The following JMJD1C variants were observed in gnomAD, a reference collection of about 807,000 sequenced individuals.
JMJD1C encodes jumonji domain containing 1C.
JMJD1C carries 31 observed loss-of-function variants against 245.3 expected under a neutral mutation model. The ratio of observed to expected loss-of-function variants is 0.13; its 90% CI spans 0.09 to 0.17. JMJD1C has a LOEUF of 0.17. Ranked by LOEUF, JMJD1C falls within the 10% of genes least tolerant of loss-of-function variation. The pLI, the probability that JMJD1C is intolerant of heterozygous loss-of-function variation, is 1.00. For synonymous variants in JMJD1C, 1,057 were observed against 1,017.4 expected (o/e 1.04, Z -0.74); for missense variants, 2,691 against 3,000.2 (o/e 0.90, Z 2.41).
intron 1 of JMJD1C, among the ~76,000 whole-genome samples, chr10:63,481,492 A>G (rs1196644131): frequency 6.6e-6 from 1 of 152,142 alleles, no homozygotes; most frequent in Non-Finnish European, 1.5e-5. Context: ...GACTAAACAA[A>G]CAGCCTTTCT....
rs564001699 is a variant in JMJD1C at position 63,507,568 on chromosome 10, C to T, written n.113+14170G>A. Reference sequence around the variant, plus strand: ...ACTGAGGCAGGAGAATCACTTGAACCCGGAAGGTGGAGGTTGTAGTGAGCT... The same window carrying T: ...ACTGAGGCAGGAGAATCACTTGAACTCGGAAGGTGGAGGTTGTAGTGAGCT... On this transcript the variant is annotated intron_variant and non_coding_transcript_variant, in intron 1 of 3. Transcript: ENST00000633035. Among the ~76,000 whole-genome samples the T allele has an allele frequency of 4.4e-5, 6 of 135,622 alleles. No homozygotes were observed. In the South Asian group the frequency reaches 1.5e-3, roughly 33 times the overall value. The allele number at this position is 135,622 out of a possible 152,430, so 89.0% of individuals were successfully genotyped here. A position where few individuals can be genotyped will look rare whatever the true frequency, so the allele number is the denominator to read the frequency against.
At chr10:63,223,425 A>G (rs1317380844) in intron 3 of JMJD1C, among the ~76,000 whole-genome samples, 4 of 151,780 alleles carry the variant, frequency 2.6e-5, no homozygotes, top group Non-Finnish European at 5.9e-5. Context: ...ACGGGGTTTC[A>G]CCATGTTGAC....
intron 1 of JMJD1C, among the ~76,000 whole-genome samples, chr10:63,484,086 A>C (rs1054808792): frequency 6.6e-6 from 1 of 152,154 alleles, no homozygotes; most frequent in African/African-American, 2.4e-5. Flanking sequence ...CTTCACAGTG[A>C]TAGGAAGTGA....
chr10:63,338,854 G>A (rs554194690), intron 2 of JMJD1C, among the ~76,000 whole-genome samples: 43 of 151,766 alleles, frequency 2.8e-4, no homozygotes, highest in African/African-American at 1.0e-3. Flanking sequence ...ACTCCATGTT[G>A]GTCTGGCTGG....
intron 1 of JMJD1C, among the ~76,000 whole-genome samples, chr10:63,391,935 T>C (rs1160865535): frequency 2.0e-5 from 3 of 152,294 alleles, no homozygotes; most frequent in East Asian, 1.9e-4. Flanking sequence ...TAGGATGGTA[T>C]TGGTTAAATT....
At chr10:63,170,276 A>G (rs1320338334) in intron 24 of JMJD1C, among the ~76,000 whole-genome samples, 1 of 151,770 alleles carries the variant, frequency 6.6e-6, no homozygotes, top group Non-Finnish European at 1.5e-5. Context: ...TTGCCAATTT[A>G]TTTTCTCCCT....
At chr10:63,206,548 A>G in intron 10 of JMJD1C, 47 bp downstream of exon 10, 1 of 1,456,124 alleles carries the variant, frequency 6.9e-7, no homozygotes, top group Non-Finnish European at 9.3e-7. Flanking sequence ...GTATAGCTAA[A>G]ACATTCAGCC....
At position 63,215,438 on chromosome 10, in the gene JMJD1C, G is replaced by A; in HGVS notation, c.840C>T (p.Ala280=). The A allele has an allele frequency of 6.2e-7, 1 of 1,614,014 alleles. No individual in the cohort carries two copies. The highest frequency in any genetic ancestry group is 8.5e-7 in the Non-Finnish European group (1 of 1,179,992). ...VNAVHSHYTR[A]QANSPRPAMN... ...TTGCTGGTCTGGGACTATTTGCTTG[G>A]GCACGTGTATAATGGCTCTAAAAAT... The change falls in exon 7 of 26, where the codon GCC becomes GCT. Residue 280 remains alanine (A), a synonymous_variant. Coordinates refer to ENST00000399262, the MANE Select transcript of JMJD1C (RefSeq NM_032776.3).
intron 1 of JMJD1C, among the ~76,000 whole-genome samples, chr10:63,516,249 A>AT (rs1955016433): frequency 6.7e-6 from 1 of 150,000 alleles, no homozygotes; most frequent in Non-Finnish European, 1.5e-5. Context: ...AAAAAAAAAA[A>AT]CCTGGGAACA....
chr10:63,341,259 A>G (rs1943350860), intron 2 of JMJD1C, among the ~76,000 whole-genome samples: 1 of 152,246 alleles, frequency 6.6e-6, no homozygotes, highest in African/African-American at 2.4e-5. Flanking sequence ...CTGATCATGA[A>G]GCAGTACAGA....
intron 1 of JMJD1C, among the ~76,000 whole-genome samples, chr10:63,507,746 G>A (rs1040105139): frequency 6.6e-6 from 1 of 150,850 alleles, no homozygotes; most frequent in Admixed American, 6.6e-5. Flanking sequence ...TTGTGTCATC[G>A]GTGTTCTGAA....
intron 2 of JMJD1C, among the ~76,000 whole-genome samples, chr10:63,312,108 TTTTTTTTTG>T (rs1432221633): frequency 8.8e-6 from 1 of 113,028 alleles, no homozygotes; most frequent in Non-Finnish European, 2.1e-5. Context: ...TTTTTTTTTT[TTTTTTTTTG>T]TGTGTGTGAG....
chr10:63,503,200 C>A (rs891090878), intron 1 of JMJD1C, among the ~76,000 whole-genome samples: 1 of 152,146 alleles, frequency 6.6e-6, no homozygotes, highest in Admixed American at 6.5e-5. Context: ...TTTAATACTT[C>A]CAAAATCTAA....
intron 2 of JMJD1C, chr10:63,373,073 G>C: frequency 1.1e-5 from 2 of 178,148 alleles, no homozygotes; most frequent in Middle Eastern, 1.0e-3. Context: ...AATTATGAAT[G>C]CCAACACTTT....
intron 1 of JMJD1C, among the ~76,000 whole-genome samples, chr10:63,440,353 A>AATATAT (rs56068128): frequency 0.01 from 1,213 of 120,034 alleles, 10 homozygotes; most frequent in Non-Finnish European, 0.015. Flanking sequence ...AAAAAAAAAA[A>AATATAT]ATATATATAT....
At chr10:63,424,511 T>TC (rs1950320929) in intron 1 of JMJD1C, among the ~76,000 whole-genome samples, 1 of 144,112 alleles carries the variant, frequency 6.9e-6, no homozygotes, top group East Asian at 2.0e-4. Context: ...TTTTTTTTTT[T>TC]TTTTTTTCTT....
chr10:63,228,187 G>GC (rs1849535006), intron 3 of JMJD1C, among the ~76,000 whole-genome samples: 1 of 152,078 alleles, frequency 6.6e-6, no homozygotes, highest in African/African-American at 2.4e-5. Flanking sequence ...ACTCAACCCT[G>GC]CTGTTACAGC....
At chr10:63,191,219 C>T in intron 16 of JMJD1C, 111 bp from the exon 17 acceptor site, 2 of 746,890 alleles carry the variant, frequency 2.7e-6, no homozygotes, top group South Asian at 3.3e-5. Flanking sequence ...GCAACCTCTG[C>T]CTCCCAGGTT....
intron 1 of JMJD1C, among the ~76,000 whole-genome samples, chr10:63,495,406 T>TAA (rs75180911): frequency 2.6e-4 from 39 of 149,628 alleles, no homozygotes; most frequent in African/African-American, 6.3e-4. Flanking sequence ...CAAGAATTCA[T>TAA]AAAAAAAAAA....
Sources: allele counts gnomAD v4.1 joint callset (sites outside exome capture counted in the v4.1 genomes callset), GRCh38; gene constraint gnomAD v4.1.1; transcripts MANE v1.5; gene names NCBI Gene and HGNC (gene_info 2026-07-23, HGNC 2026-07-21).